CTBP2: variants seen among roughly 807,000 people sequenced by gnomAD.
The protein encoded by CTBP2 is C-terminal binding protein 2.
Under a neutral mutation model 80.3 loss-of-function variants are expected in CTBP2, and 30 were observed. That is an observed-to-expected ratio of 0.37 (90% confidence interval 0.28 to 0.51). CTBP2 has a LOEUF of 0.51. Ranked by LOEUF, CTBP2 falls within the 20% of genes least tolerant of loss-of-function variation. The probability of loss-of-function intolerance (pLI) is 0.93; values close to 1 mark genes in which losing one functional copy is unlikely to be tolerated. For missense variants in CTBP2, 1,212 were observed against 1,375.3 expected (o/e 0.88, Z 1.88); for synonymous variants, 594 against 587.4 (o/e 1.01, Z -0.16).
chr10:125,152,596 G>A (rs368172464), intron 1 of CTBP2, among the ~76,000 whole-genome samples: 97 of 152,158 alleles, frequency 6.4e-4, no homozygotes, highest in African/African-American at 2.3e-3. Flanking sequence ...ATTAATGACT[G>A]TGAAATGTTT....
At chr10:125,119,349 G>A (rs1222074732) in intron 1 of CTBP2, among the ~76,000 whole-genome samples, 1 of 152,200 alleles carries the variant, frequency 6.6e-6, no homozygotes, top group Non-Finnish European at 1.5e-5. Context: ...CATCTTTTCT[G>A]TAAACTTGAG....
At chr10:125,115,931 T>C (rs1276423821) in intron 1 of CTBP2, among the ~76,000 whole-genome samples, 1 of 152,018 alleles carries the variant, frequency 6.6e-6, no homozygotes, top group East Asian at 1.9e-4. Context: ...CCCCCTATAC[T>C]CCACACCCCT....
At chr10:125,111,191 C>T (rs957613331) in intron 1 of CTBP2, 98 bp from the exon 2 acceptor site, 4 of 151,762 alleles carry the variant, frequency 2.6e-5, no homozygotes, top group East Asian at 1.9e-4. Flanking sequence ...CCAATGCCTT[C>T]GACTCTAAGC....
In CTBP2 at chr10:125,020,187, C is replaced by T. The variant is rs554636648; in HGVS notation, c.1678+5895G>A. Among the ~76,000 whole-genome samples, 4 of 152,290 alleles carry T rather than the reference C, an allele frequency of 2.6e-5. No individual in the cohort carries two copies. In the South Asian group the frequency reaches 8.3e-4, roughly 32 times the overall value. ...ACCATACCTTGGCCAAGATCAACAG[C>T]TTTTAAAGATTTCAGAGGAGCAACA... On this transcript the variant is annotated intron_variant, in intron 1 of 8. Coordinates refer to ENST00000309035, the MANE Select transcript of CTBP2 (RefSeq NM_022802.3).
In CTBP2 at chr10:125,026,596, A is replaced by AGGCTGGGGCTGCAG. The variant is rs772295883; in HGVS notation, c.1163_1164insCTGCAGCCCCAGCC (p.Ala389CysfsTer64). ...GGGATGCTGTCTGCAGAGGAGCCGC[A>AGGCTGGGGCTGCAG]GCGCCCAGAGAAGCCAAGTCACCAT... On this transcript the variant is annotated frameshift_variant, in exon 1 of 9. Transcript: ENST00000309035. LOFTEE classifies it high-confidence loss of function. The AGGCTGGGGCTGCAG allele has an allele frequency of 6.4e-7, 1 of 1,564,162 alleles. No individual in the cohort carries two copies. Among genetic ancestry groups the AGGCTGGGGCTGCAG allele is most frequent in the Non-Finnish European group, 8.7e-7 (1 of 1,154,784 alleles).
chr10:124,992,645 C>T (rs529005643), intron 8 of CTBP2, 50 bp downstream of exon 10: 2 of 1,401,386 alleles, frequency 1.4e-6, no homozygotes, highest in East Asian at 4.8e-5. Flanking sequence ...CTCCCTGGCC[C>T]CGGGGCCGTG....
chr10:124,985,081 G>C lies in CTBP2; in HGVS notation c.*4437C>G. The C allele has an allele frequency of 9.6e-7, 1 of 1,044,786 alleles. No homozygotes were observed. Among genetic ancestry groups the C allele is most frequent in the Non-Finnish European group, 1.4e-6 (1 of 709,798 alleles). The allele number at this position is 1,044,786 out of a possible 1,614,324, so 64.7% of individuals were successfully genotyped here. A position where few individuals can be genotyped will look rare whatever the true frequency, so the allele number is the denominator to read the frequency against. On this transcript the variant is annotated 3_prime_UTR_variant, in exon 9 of 9. Transcript: ENST00000309035. ...GTGCTCCAAGCAGAGTCGACATCAT[G>C]GAATGAACCAAATCTGGCAGGATCT...
intron 1 of CTBP2, among the ~76,000 whole-genome samples, chr10:125,019,146 A>G (rs1205903166): frequency 6.6e-6 from 1 of 151,940 alleles, no homozygotes; most frequent in Non-Finnish European, 1.5e-5. Context: ...AGGGGGCAAG[A>G]AAAGTGAACG....
At position 125,116,882 on chromosome 10, in the gene CTBP2, C is replaced by T. The variant is rs113093896; in HGVS notation, c.-205-5789G>A. ...CAAAATCTTGTCAAGAAGCCAAATG[C>T]TCTGCCCCAAAACTGACCTGCCTAC... On this transcript the variant is annotated intron_variant, in intron 1 of 10. Transcript: ENST00000337195. Among the ~76,000 whole-genome samples, 604 of 152,354 alleles carry T rather than the reference C, an allele frequency of 4.0e-3. 2 individuals carry two copies. The highest frequency in any genetic ancestry group is 0.014 in the African/African-American group (572 of 41,580).
intron 1 of CTBP2, among the ~76,000 whole-genome samples, chr10:125,128,403 G>A (rs190400958): frequency 3.3e-5 from 5 of 152,336 alleles, no homozygotes; most frequent in South Asian, 2.1e-4. Flanking sequence ...CAGGGGAAGG[G>A]AGAGACATTG....
At chr10:125,154,181 T>TC (rs1382628122) in intron 1 of CTBP2, among the ~76,000 whole-genome samples, 1 of 152,134 alleles carries the variant, frequency 6.6e-6, no homozygotes, top group Non-Finnish European at 1.5e-5. Flanking sequence ...CAATGGAAGG[T>TC]AAGTATTTTT....
chr10:125,045,843 A>G (rs1961103742), intron 2 of CTBP2, among the ~76,000 whole-genome samples: 2 of 152,088 alleles, frequency 1.3e-5, no homozygotes, highest in Admixed American at 6.6e-5. Context: ...ACCATCAAAG[A>G]AAGGCTAGGG....
At chr10:125,105,307 G>A (rs1338721058) in intron 2 of CTBP2, among the ~76,000 whole-genome samples, 1 of 152,274 alleles carries the variant, frequency 6.6e-6, no homozygotes, top group East Asian at 1.9e-4. Flanking sequence ...ACCACCACCT[G>A]GCTGATTTTT....
intron 1 of CTBP2, among the ~76,000 whole-genome samples, chr10:125,124,698 T>C (rs1265974329): frequency 2.0e-5 from 3 of 152,206 alleles, no homozygotes; most frequent in African/African-American, 7.2e-5. Flanking sequence ...ACATTAAATA[T>C]ATAATTTGAT....
Position 124,987,596 on chromosome 10 carries a change from G to A in CTBP2, c.*1922C>T, listed in dbSNP as rs966952595. The A allele has an allele frequency of 7.9e-5, 12 of 152,044 alleles. No homozygotes were observed. Among genetic ancestry groups the A allele is most frequent in the African/African-American group, 2.9e-4 (12 of 41,412 alleles). The allele number at this position is 152,044 out of a possible 1,614,324, so 9.4% of individuals were successfully genotyped here. A position where few individuals can be genotyped will look rare whatever the true frequency, so the allele number is the denominator to read the frequency against. On this transcript the variant is annotated 3_prime_UTR_variant, in exon 9 of 9. Coordinates refer to ENST00000309035, the MANE Select transcript of CTBP2 (RefSeq NM_022802.3). Reference sequence around the variant, plus strand: ...TACGAAGACGTTAAACTACCTTTTTGTTCCCTGGGGTAATAGGTCAGTAAC... The same window carrying A: ...TACGAAGACGTTAAACTACCTTTTTATTCCCTGGGGTAATAGGTCAGTAAC...
At chr10:125,146,887 G>A (rs551281843) in intron 1 of CTBP2, among the ~76,000 whole-genome samples, 14 of 152,274 alleles carry the variant, frequency 9.2e-5, no homozygotes, top group Admixed American at 3.3e-4. Flanking sequence ...ATCTGTGAAT[G>A]AATATCCTAG....
intron 1 of CTBP2, among the ~76,000 whole-genome samples, chr10:125,140,796 A>G (rs890492473): frequency 1.3e-5 from 2 of 151,510 alleles, no homozygotes; most frequent in Non-Finnish European, 2.9e-5. Context: ...GCACTGCAGC[A>G]TGGGTGACAG....
At chr10:125,099,107 G>A (rs1564916031) in intron 2 of CTBP2, among the ~76,000 whole-genome samples, 2 of 152,190 alleles carry the variant, frequency 1.3e-5, no homozygotes, top group Admixed American at 1.3e-4. Flanking sequence ...GTACGCACAG[G>A]TTTATACCAA....
At chr10:125,080,322 C>T (rs934245192) in intron 2 of CTBP2, among the ~76,000 whole-genome samples, 2 of 152,054 alleles carry the variant, frequency 1.3e-5, no homozygotes, top group African/African-American at 2.4e-5. Context: ...TCAACCAAGA[C>T]ATCTGTCACC....
Sources: gnomAD v4.1 joint callset for allele counts (sites outside exome capture counted in the v4.1 genomes callset) on GRCh38, gnomAD v4.1.1 for gene constraint, MANE v1.5 for transcripts, NCBI Gene and HGNC (gene_info 2026-07-23, HGNC 2026-07-21) for gene names.